GLT1D1: variants seen among roughly 807,000 people sequenced by gnomAD.
GLT1D1 encodes glycosyltransferase 1 domain containing 1.
GLT1D1 carries 21 observed loss-of-function variants against 28.7 expected under a neutral mutation model. The observed-to-expected ratio is 0.73, with a 90% CI of 0.52 to 1.05. The LOEUF (loss-of-function observed/expected upper bound fraction) is 1.05. Among genes scored for constraint, GLT1D1 ranks in the 50% least tolerant of loss-of-function variants. The pLI, the probability that GLT1D1 is intolerant of heterozygous loss-of-function variation, is 0.00. For missense variants in GLT1D1, 343 were observed against 330.6 expected (o/e 1.04, Z -0.29); for synonymous variants, 147 against 124.8 (o/e 1.18, Z -1.19).
At chr12:128,917,948 C>A (rs1872270682) in intron 4 of GLT1D1, among the ~76,000 whole-genome samples, 1 of 152,172 alleles carries the variant, frequency 6.6e-6, no homozygotes, top group Non-Finnish European at 1.5e-5. Flanking sequence ...CCCAGCAATC[C>A]CATTACTGGG....
intron 7 of GLT1D1, among the ~76,000 whole-genome samples, chr12:128,968,319 T>G (rs1313679464): frequency 6.6e-6 from 1 of 151,422 alleles, no homozygotes; most frequent in Non-Finnish European, 1.5e-5. Flanking sequence ...CCAAGTAGTG[T>G]GACCTGGTGG....
intron 1 of GLT1D1, among the ~76,000 whole-genome samples, chr12:128,868,832 C>T (rs1956612684): frequency 6.6e-6 from 1 of 152,198 alleles, no homozygotes; most frequent in Non-Finnish European, 1.5e-5. Context: ...TTCTCTTTCA[C>T]TCAACATGTC....
intron 4 of GLT1D1, among the ~76,000 whole-genome samples, chr12:128,918,625 G>A (rs926976484): frequency 2.0e-5 from 3 of 152,192 alleles, no homozygotes; most frequent in Non-Finnish European, 4.4e-5. Flanking sequence ...AGCCACACTA[G>A]CATGGCTGTT....
chr12:128,946,795 C>T (rs954324588), intron 5 of GLT1D1, among the ~76,000 whole-genome samples: 6 of 151,492 alleles, frequency 4.0e-5, no homozygotes, highest in Non-Finnish European at 7.4e-5. Flanking sequence ...ATTACAGGTG[C>T]GCACCACCAC....
chr12:128,949,849 T>TACACACACGTGTACGC (rs1238845707), intron 6 of GLT1D1, among the ~76,000 whole-genome samples: 1 of 151,616 alleles, frequency 6.6e-6, no homozygotes. Flanking sequence ...CACACGCACG[T>TACACACACGTGTACGC]ACACACACGT....
intron 7 of GLT1D1, among the ~76,000 whole-genome samples, chr12:128,967,789 T>C (rs1007179235): frequency 6.6e-6 from 1 of 152,216 alleles, no homozygotes; most frequent in Non-Finnish European, 1.5e-5. Context: ...AAAAGTGTTT[T>C]AACGTAACAT....
intron 4 of GLT1D1, among the ~76,000 whole-genome samples, chr12:128,900,640 T>A (rs1247286721): frequency 6.6e-6 from 1 of 151,484 alleles, no homozygotes; most frequent in Admixed American, 6.6e-5. Context: ...ACCAAACTTT[T>A]TTTTTTTTTT....
At chr12:128,967,773 T>C (rs1205465918) in intron 7 of GLT1D1, among the ~76,000 whole-genome samples, 1 of 152,258 alleles carries the variant, frequency 6.6e-6, no homozygotes, top group East Asian at 1.9e-4. Context: ...TTCTCTCTTA[T>C]GTTTTAAAAG....
At chr12:128,876,089 A>G in intron 2 of GLT1D1, 27 bp downstream of exon 2, 1 of 1,578,506 alleles carries the variant, frequency 6.3e-7, no homozygotes, top group Non-Finnish European at 8.6e-7. Flanking sequence ...TCAAAAGTAA[A>G]ACACTAGAAA....
chr12:128,864,000 C>T, intron 1 of GLT1D1: 1 of 421,672 alleles, frequency 2.4e-6, no homozygotes, highest in Non-Finnish European at 4.2e-6. Context: ...TCTGGAAGGA[C>T]CCTGCGATGC....
chr12:128,975,152 C>G (rs1247950390), intron 7 of GLT1D1, among the ~76,000 whole-genome samples: 2 of 152,180 alleles, frequency 1.3e-5, no homozygotes, highest in Non-Finnish European at 2.9e-5. Context: ...GGCATTGTCC[C>G]GGCAAAGGGT....
At chr12:128,957,498 C>T in intron 6 of GLT1D1, 47 bp from the exon 11 acceptor site, 1 of 1,308,496 alleles carries the variant, frequency 7.6e-7, no homozygotes, top group Non-Finnish European at 1.1e-6. Flanking sequence ...GCCGCAGAGG[C>T]TCTTGAAATG....
chr12:128,874,064 CT>C (rs1175949407), intron 1 of GLT1D1, among the ~76,000 whole-genome samples: 280 of 27,044 alleles, frequency 0.01, 7 homozygotes, highest in Non-Finnish European at 0.011. Flanking sequence ...TCCCTCCTTT[CT>C]TTCTTTCTTT....
chr12:128,955,640 G>A lies in GLT1D1; in HGVS notation c.541-1905G>A, dbSNP rs561958017. Among the ~76,000 whole-genome samples the A allele has an allele frequency of 1.2e-4, 19 of 152,078 alleles. No homozygotes were observed. In the South Asian group the frequency reaches 3.9e-3, roughly 32 times the overall value. ...TTCATGACACTGAACCCTCTGAAAG[G>A]TCCTGGTCAGTTGTCCTTGAGAACA... On this transcript the variant is annotated intron_variant, in intron 6 of 7. Coordinates refer to ENST00000281703, the MANE Select transcript of GLT1D1 (RefSeq NM_144669.3).
At chr12:128,931,367 G>T (rs1873863480) in intron 4 of GLT1D1, among the ~76,000 whole-genome samples, 1 of 150,900 alleles carries the variant, frequency 6.6e-6, no homozygotes, top group Non-Finnish European at 1.5e-5. Flanking sequence ...GAGTGCAGTG[G>T]TGCGATCTCG....
rs1876236599 is a variant in GLT1D1, at chr12:128,947,385, A to T, written c.467A>T (p.His156Leu). 6.2e-7 allele frequency: 1 copy of T among 1,613,994 alleles called. No individual in the cohort carries two copies. Among genetic ancestry groups the T allele is most frequent in the African/African-American group, 1.3e-5 (1 of 75,000 alleles). Reference sequence around the variant, plus strand: ...GGAGAGATGCCTCAAGAAGATCTGCACGCGGTGGTGAAGAATTGCTTCGCG... The same window carrying T: ...GGAGAGATGCCTCAAGAAGATCTGCTCGCGGTGGTGAAGAATTGCTTCGCG... The change falls in exon 6 of 8, where the codon CAC (histidine) becomes CTC (leucine). Residue 156 changes from histidine to leucine, a missense_variant. Coordinates refer to ENST00000281703, the MANE Select transcript of GLT1D1 (RefSeq NM_144669.3).
intron 1 of GLT1D1, among the ~76,000 whole-genome samples, chr12:128,866,489 C>T (rs1956523133): frequency 6.6e-6 from 1 of 151,506 alleles, no homozygotes; most frequent in African/African-American, 2.4e-5. Flanking sequence ...TCCTCCTGCC[C>T]CCCACCAAGC....
In GLT1D1 at chr12:128,876,005, G is replaced by A; in HGVS notation, c.160G>A (p.Glu54Lys). Residue 54 changes from glutamate to lysine, a missense_variant, in exon 2 of 8, where the codon GAG becomes AAG. Glu to Lys is a moderately conservative substitution (Grantham distance 56, BLOSUM62 1). Transcript: ENST00000281703. ...TGAGATTGCAAACCTCATCTTGGCT[G>A]AGAACTGCGAGGCTGCCCTGGCTCT... 1 of 1,613,968 alleles carries A rather than the reference G, an allele frequency of 6.2e-7. No individual in the cohort carries two copies. The highest frequency in any genetic ancestry group is 8.5e-7 in the Non-Finnish European group (1 of 1,179,880).
At chr12:128,973,785 C>T (rs564019255) in intron 7 of GLT1D1, among the ~76,000 whole-genome samples, 3 of 152,196 alleles carry the variant, frequency 2.0e-5, no homozygotes, top group South Asian at 2.1e-4. Flanking sequence ...GTGTTCTACT[C>T]GGCCCATCGT....
Sources: gnomAD v4.1 joint callset for allele counts (sites outside exome capture counted in the v4.1 genomes callset) on GRCh38, gnomAD v4.1.1 for gene constraint, MANE v1.5 for transcripts, NCBI Gene and HGNC (gene_info 2026-07-23, HGNC 2026-07-21) for gene names.